Variants in FGL1 observed in about 807,000 individuals in gnomAD.
FGL1 encodes fibrinogen-like protein 1.
A neutral mutation model predicts 43.7 loss-of-function variants in FGL1; 59 were observed. That is an observed-to-expected ratio of 1.35 (90% CI 1.10 to 1.68). FGL1 has a LOEUF of 1.68. Ranked by LOEUF, FGL1 falls within the 40% of genes most tolerant of loss-of-function variation. The pLI is 0.00. For synonymous variants in FGL1, 192 were observed against 126.5 expected (o/e 1.52, Z -3.48); for missense variants, 596 against 373.0 (o/e 1.60, Z -4.92).
chr8:17,885,468 C>G (rs774186621), intron 2 of FGL1, 24 bp downstream of exon 2: 3 of 1,564,742 alleles, frequency 1.9e-6, no homozygotes, highest in Non-Finnish European at 2.6e-6. Context: ...ATAAATATGA[C>G]AATAGTTTTC....
chr8:17,889,455 C>A (rs887286923), intron 1 of FGL1, among the ~76,000 whole-genome samples: 1 of 152,164 alleles, frequency 6.6e-6, no homozygotes, highest in Non-Finnish European at 1.5e-5. Flanking sequence ...GAGGCTGAAG[C>A]ATGAGAATCA....
chr8:17,869,965 C>G (rs578015051), intron 5 of FGL1, among the ~76,000 whole-genome samples: 8 of 152,098 alleles, frequency 5.3e-5, no homozygotes, highest in African/African-American at 1.7e-4. Flanking sequence ...AAAAAATTAG[C>G]CGGGCATGGT....
chr8:17,873,160 C>T (rs746737892), intron 5 of FGL1, among the ~76,000 whole-genome samples: 1 of 152,160 alleles, frequency 6.6e-6, no homozygotes, highest in Non-Finnish European at 1.5e-5. Flanking sequence ...ATAGCTCCTC[C>T]TATTGTTTAC....
At chr8:17,872,562 C>A (rs776865734) in intron 5 of FGL1, among the ~76,000 whole-genome samples, 7 of 152,176 alleles carry the variant, frequency 4.6e-5, no homozygotes, top group South Asian at 4.1e-4. Flanking sequence ...CTCAGCATCC[C>A]AAAGTGCTGG....
intron 3 of FGL1, among the ~76,000 whole-genome samples, chr8:17,881,138 A>ATTTTTTTTTTTTTTTTTTTTTTTTTT (rs34570292): frequency 1.4e-5 from 2 of 142,964 alleles, no homozygotes; most frequent in African/African-American, 5.4e-5. Flanking sequence ...GTGTACACGG[A>ATTTTTTTTTTTTTTTTTTTTTTTTTT]TTTTTTTTTT....
chr8:17,883,478 A>T (rs191724851), intron 2 of FGL1, among the ~76,000 whole-genome samples: 8,914 of 127,102 alleles, frequency 0.07, 707 homozygotes, highest in African/African-American at 0.19. Flanking sequence ...ATAAATATAA[A>T]TAATATATAA....
chr8:17,867,844 T>G (rs1040728382), intron 7 of FGL1, among the ~76,000 whole-genome samples: 3 of 152,138 alleles, frequency 2.0e-5, no homozygotes, highest in Non-Finnish European at 2.9e-5. Context: ...CCGGGGTAGG[T>G]GGATCACATG....
chr8:17,870,655 C>G (rs1038180473), intron 5 of FGL1, among the ~76,000 whole-genome samples: 2 of 152,154 alleles, frequency 1.3e-5, no homozygotes, highest in Admixed American at 6.5e-5. Flanking sequence ...GGCTGCATAT[C>G]CAAGTTCTAT....
At chr8:17,870,206 C>G (rs1010950772) in intron 5 of FGL1, among the ~76,000 whole-genome samples, 1 of 152,124 alleles carries the variant, frequency 6.6e-6, no homozygotes, top group South Asian at 2.1e-4. Context: ...CAAAAAATCT[C>G]TAAACATTAA....
chr8:17,874,639 A>T, intron 3 of FGL1, 118 bp from the exon 4 acceptor site: 2 of 627,790 alleles, frequency 3.2e-6, no homozygotes, highest in East Asian at 5.9e-5. Flanking sequence ...ATGGTATAGA[A>T]ATCAGCGTTT....
At chr8:17,881,711 G>A (rs150084262) in intron 3 of FGL1, among the ~76,000 whole-genome samples, 3,252 of 151,242 alleles carry the variant, frequency 0.022, 57 homozygotes, top group South Asian at 0.042. Flanking sequence ...GTGGGCACCT[G>A]TAGTCCCAGC....
chr8:17,868,402 C>G (rs998361257), intron 7 of FGL1, 146 bp downstream of exon 7: 5 of 568,424 alleles, frequency 8.8e-6, no homozygotes, highest in African/African-American at 1.9e-5. Context: ...GACTTCATTG[C>G]TGAAGAATTC....
At chr8:17,870,793 C>T (rs1317842410) in intron 5 of FGL1, among the ~76,000 whole-genome samples, 1 of 151,992 alleles carries the variant, frequency 6.6e-6, no homozygotes, top group Non-Finnish European at 1.5e-5. Context: ...GTAATCCCAG[C>T]TACTCAGGAG....
rs144651867 is a variant in FGL1, at chr8:17,868,665, G to C, written c.662C>G (p.Pro221Arg). ...GTGACTAGCCCACCACTGCACCTCAGGATGAAAATTCCCCGCAAGGGAATC... is the reference window on the plus strand; with the variant it reads ...GTGACTAGCCCACCACTGCACCTCACGATGAAAATTCCCCGCAAGGGAATC... ...AGDSLAGNFH[P>R]EVQWWASHQR... Residue 221 changes from proline to arginine, a missense_variant, in exon 7 of 8, where the codon CCT (proline) becomes CGT (arginine). Pro to Arg is a moderately radical substitution (Grantham distance 103). Coordinates refer to ENST00000427924, the MANE Select transcript of FGL1 (RefSeq NM_004467.4). The C allele has an allele frequency of 3.4e-5, 55 of 1,613,936 alleles. No homozygotes were observed. The African/African-American group carries it at 6.9e-4, about 20-fold the overall frequency.
At position 17,882,012 on chromosome 8, in the gene FGL1, C is replaced by T. The variant is rs747094477; in HGVS notation, c.231G>A (p.Lys77=). ...GTCCATTCTGACCTGCATACTGCCT[C>T]TTGCTTCCAAGATCAATGACAGTAT... ...DENTVIDLGS[K]RQYADCSEIF... is the part of the protein sequence containing the mutation. Residue 77 remains lysine (K), a synonymous_variant, in exon 3 of 8, where the codon AAG becomes AAA. Coordinates refer to ENST00000427924, the MANE Select transcript of FGL1 (RefSeq NM_004467.4). The T allele has an allele frequency of 8.1e-6, 13 of 1,613,898 alleles. No individual in the cohort carries two copies. Among genetic ancestry groups the T allele is most frequent in the Non-Finnish European group, 1.1e-5 (13 of 1,179,908 alleles).
At chr8:17,893,927 T>G (rs1369344157) in intron 1 of FGL1, among the ~76,000 whole-genome samples, 1 of 147,312 alleles carries the variant, frequency 6.8e-6, no homozygotes, top group Non-Finnish European at 1.5e-5. Context: ...ATTTTTGCCT[T>G]AGGCAGTATC....
intron 4 of FGL1, 39 bp from the exon 5 acceptor site, chr8:17,874,155 C>T (rs2053407488): frequency 7.8e-6 from 12 of 1,543,410 alleles, no homozygotes; most frequent in South Asian, 2.3e-5. Flanking sequence ...GAGCAAACTC[C>T]ATTTGTGGTA....
Position 17,864,477 on chromosome 8 carries a change from A to G in FGL1, c.*115T>C, listed in dbSNP as rs1187943848. 2.7e-6 allele frequency: 3 copies of G among 1,126,726 alleles called. No individual in the cohort carries two copies. The highest frequency in any genetic ancestry group is 5.3e-5 in the East Asian group (2 of 38,068). 69.8% of individuals were successfully genotyped at this position (1,126,726 alleles called of 1,614,324 possible). ...GTAACAAAGGCAAGTGAGAAGAATG[A>G]AAAGCACTACTCACAACAGTTATCA... On this transcript the variant is annotated 3_prime_UTR_variant, in exon 8 of 8. Transcript: ENST00000427924.
chr8:17,874,473 T>C lies in FGL1; in HGVS notation c.293A>G (p.Lys98Arg). ...TGCTGGGCTCTGGAGAGGTTTGATT[T>C]TGTAAAATCCACTGAGCTTATACCC... ...NDGYKLSGFY[K>R]IKPLQSPAEF... Residue 98 changes from lysine (K) to arginine (R), a missense_variant, in exon 4 of 8, where the codon AAA becomes AGA. Lys to Arg is a conservative substitution (Grantham distance 26, BLOSUM62 2). Coordinates refer to ENST00000427924, the MANE Select transcript of FGL1 (RefSeq NM_004467.4). 1.9e-6 allele frequency: 3 copies of C among 1,614,074 alleles called. No individual in the cohort carries two copies. Among genetic ancestry groups the C allele is most frequent in the East Asian group, 2.2e-5 (1 of 44,864 alleles).
Sources: gnomAD v4.1 joint callset for allele counts (sites outside exome capture counted in the v4.1 genomes callset) on GRCh38, gnomAD v4.1.1 for gene constraint, MANE v1.5 for transcripts, NCBI Gene and HGNC (gene_info 2026-07-23, HGNC 2026-07-21) for gene names.